The following RNF17 variants were observed in gnomAD, a reference collection of about 807,000 sequenced individuals.
RNF17 encodes spermatogenesis associated 23.
RNF17 carries 31 observed loss-of-function variants against 200.5 expected under a neutral mutation model. That is an observed-to-expected ratio of 0.15 (90% CI 0.12 to 0.21). RNF17 has a LOEUF of 0.21. RNF17 is among the 10% of genes least tolerant of loss of function. The probability of loss-of-function intolerance (pLI) is 1.00; values close to 1 mark genes in which losing one functional copy is unlikely to be tolerated. For synonymous variants in RNF17, 606 were observed against 637.8 expected (o/e 0.95, Z 0.75); for missense variants, 1,628 against 1,905.1 (o/e 0.85, Z 2.71).
At chr13:24,778,195 G>A (rs1252417324) in intron 3 of RNF17, 100 bp from the exon 4 acceptor site, 9 of 732,620 alleles carry the variant, frequency 1.2e-5, no homozygotes, top group Admixed American at 7.0e-5. Context: ...CTGGGAAGTC[G>A]AGGCTGCCAT....
chr13:24,762,095 G>A (rs1390874609), upstream of RNF17, among the ~76,000 whole-genome samples: 1 of 152,166 alleles, frequency 6.6e-6, no homozygotes, highest in Admixed American at 6.5e-5. Context: ...TGGGCCGGAC[G>A]CGGTGGCTCA....
At chr13:24,748,403 T>C in the RNF17 span, among the ~76,000 whole-genome samples, 2 of 152,248 alleles carry the variant, frequency 1.3e-5, no homozygotes, top group Non-Finnish European at 2.9e-5. Flanking sequence ...TACAAAAGTA[T>C]GTTAGCTGTA....
chr13:24,768,323 C>T (rs1880077503), intron 2 of RNF17, among the ~76,000 whole-genome samples: 1 of 131,772 alleles, frequency 7.6e-6, no homozygotes. Flanking sequence ...CTCACTGTGT[C>T]CCCCAGGCTG....
intron 19 of RNF17, 111 bp downstream of exon 19, chr13:24,842,272 G>A (rs1890721032): frequency 3.3e-6 from 3 of 912,924 alleles, no homozygotes; most frequent in African/African-American, 3.4e-5. Flanking sequence ...TTAGACTGTA[G>A]ACCTGAGAAT....
intron 3 of RNF17, among the ~76,000 whole-genome samples, chr13:24,777,591 A>G (rs1881744512): frequency 6.6e-6 from 1 of 152,206 alleles, no homozygotes; most frequent in African/African-American, 2.4e-5. Flanking sequence ...AGTTAAATTC[A>G]TTACCTTTTT....
intron 6 of RNF17, among the ~76,000 whole-genome samples, chr13:24,787,246 T>A (rs1295534047): frequency 6.6e-6 from 1 of 152,228 alleles, no homozygotes; most frequent in Non-Finnish European, 1.5e-5. Context: ...CTCTAGTTCT[T>A]TGTCCATATT....
intron 1 of RNF17, among the ~76,000 whole-genome samples, chr13:24,765,165 G>A (rs1411998478): frequency 3.9e-5 from 6 of 152,034 alleles, no homozygotes; most frequent in African/African-American, 1.4e-4. Context: ...ACAGGCGCCC[G>A]CCACCACGCC....
downstream of RNF17, among the ~76,000 whole-genome samples, chr13:24,881,116 TATC>T (rs1953802117): frequency 2.0e-5 from 3 of 152,278 alleles, no homozygotes; most frequent in South Asian, 6.2e-4. Context: ...TGTTTTGTAA[TATC>T]ATCATTTGAC....
intron 3 of RNF17, 31 bp downstream of exon 3, chr13:24,774,935 T>G (rs777910618): frequency 9.3e-5 from 125 of 1,340,642 alleles, no homozygotes; most frequent in Middle Eastern, 1.8e-4. Flanking sequence ...TTTGAGTATT[T>G]AAAGTCAATG....
chr13:24,793,437 TA>T, intron 10 of RNF17, 91 bp downstream of exon 10: 15 of 1,169,248 alleles, frequency 1.3e-5, no homozygotes, highest in East Asian at 2.4e-5. Context: ...TTAACAGAAA[TA>T]TAATTGCTGT....
Position 24,830,504 on chromosome 13 carries a change from G to A in RNF17, c.2266G>A (p.Val756Ile). The change falls in exon 17 of 36, where the codon GTT becomes ATT. Residue 756 changes from valine (V) to isoleucine (I), a missense_variant. Coordinates refer to ENST00000255324, the MANE Select transcript of RNF17 (RefSeq NM_031277.3). ...KVIGLPGHQEVEVKYVDFGNT... is the reference protein window; with the variant it reads ...KVIGLPGHQEIEVKYVDFGNT... ...TCAAGGATTGCCTGGACATCAGGAA[G>A]TTGAAGTTAAATATGTGGACTTTGG... The A allele has an allele frequency of 6.2e-7, 1 of 1,603,696 alleles. No homozygotes were observed. Among genetic ancestry groups the A allele is most frequent in the Non-Finnish European group, 8.5e-7 (1 of 1,175,008 alleles).
At chr13:24,868,783 A>C (rs2275938) in intron 31 of RNF17, 67 bp downstream of exon 31, 507,126 of 841,872 alleles carry the variant, frequency 0.6, 154,977 homozygotes, top group African/African-American at 0.73. Flanking sequence ...TAAACACTAT[A>C]AGTGACTCTT....
intron 6 of RNF17, 143 bp downstream of exon 6, chr13:24,782,087 A>T: frequency 1.5e-6 from 1 of 660,696 alleles, no homozygotes; most frequent in Non-Finnish European, 2.7e-6. Context: ...GGAAGTTGGT[A>T]GTCCCTACAG....
chr13:24,788,052 G>C lies in RNF17; in HGVS notation c.676G>C (p.Ala226Pro). 1 of 1,594,866 alleles carries C rather than the reference G, an allele frequency of 6.3e-7. No homozygotes were observed. Among genetic ancestry groups the C allele is most frequent in the Non-Finnish European group, 8.5e-7 (1 of 1,173,590 alleles). Residue 226 changes from alanine (A) to proline (P), a missense_variant, in exon 7 of 36, where the codon GCT (alanine) becomes CCT (proline). Ala to Pro is a conservative substitution (Grantham distance 27). This residue lies in a region of RNF17 where 502 missense variants were observed against 501.7 expected (regional missense o/e 1.00). Coordinates refer to ENST00000255324, the MANE Select transcript of RNF17 (RefSeq NM_031277.3). ...TGATTATCTATCAAATTTAATAAAG[G>C]CTAAAAGCTACATTGAAGAGAAAAA... Reference protein sequence around the residue: ...TDDYLSNLIKAKSYIEEKKNN... With the variant: ...TDDYLSNLIKPKSYIEEKKNN...
At chr13:24,884,585 A>T, downstream of RNF17, 1 of 960,570 alleles carries the variant, frequency 1.0e-6, no homozygotes, top group Non-Finnish European at 1.7e-6. Context: ...CCCTCAAAAG[A>T]TCCTTTATTT....
intron 15 of RNF17, among the ~76,000 whole-genome samples, chr13:24,810,276 A>G (rs1452631323): frequency 2.1e-5 from 3 of 146,046 alleles, no homozygotes; most frequent in Non-Finnish European, 4.5e-5. Flanking sequence ...GTGGGAGTCT[A>G]AGTCTCTTTG....
intron 15 of RNF17, among the ~76,000 whole-genome samples, chr13:24,818,259 T>G (rs942373990): frequency 6.6e-6 from 1 of 152,202 alleles, no homozygotes; most frequent in Non-Finnish European, 1.5e-5. Context: ...GATTTCAATT[T>G]TTTGAAATGT....
At chr13:24,781,657 T>C (rs79893123) in intron 5 of RNF17, among the ~76,000 whole-genome samples, 187 bp from the exon 6 acceptor site, 2 of 152,206 alleles carry the variant, frequency 1.3e-5, no homozygotes, top group African/African-American at 4.8e-5. Context: ...CAAAAAGATA[T>C]GGTCTTGCTC....
chr13:24,763,369 A>ATTTTTTTTTTT (rs34750040), upstream of RNF17, among the ~76,000 whole-genome samples: 650 of 114,400 alleles, frequency 5.7e-3, no homozygotes, highest in East Asian at 9.8e-3. Flanking sequence ...CGTCCGGCTA[A>ATTTTTTTTTTT]TTTTTTTTTT....
Sources: gnomAD v4.1 joint callset for allele counts (sites outside exome capture counted in the v4.1 genomes callset) on GRCh38, gnomAD v4.1.1 for gene constraint, gnomAD v4.1.1 regional missense constraint, MANE v1.5 for transcripts, NCBI Gene and HGNC (gene_info 2026-07-23, HGNC 2026-07-21) for gene names.